Variants in WDPCP observed in about 807,000 individuals in gnomAD.
The protein encoded by WDPCP is WD repeat containing planar cell polarity effector.
A neutral mutation model predicts 93.1 loss-of-function variants in WDPCP; 71 were observed. The ratio of observed to expected loss-of-function variants is 0.76; its 90% CI spans 0.63 to 0.93. The LOEUF is 0.93. Ranked by LOEUF, WDPCP falls within the 40% of genes least tolerant of loss-of-function variation. The pLI, the probability that WDPCP is intolerant of heterozygous loss-of-function variation, is 0.00. For missense variants in WDPCP, 844 were observed against 887.4 expected (o/e 0.95, Z 0.62); for synonymous variants, 315 against 315.0 (o/e 1.00, Z 0.00).
intron 1 of WDPCP, among the ~76,000 whole-genome samples, chr2:63,529,832 A>T (rs1297905172): frequency 6.6e-6 from 1 of 151,826 alleles, no homozygotes; most frequent in Non-Finnish European, 1.5e-5. Flanking sequence ...GGTCCTCGAC[A>T]TTTTTTTTGG....
intron 2 of WDPCP, among the ~76,000 whole-genome samples, chr2:63,757,055 G>C (rs1172292517): frequency 6.6e-6 from 1 of 152,142 alleles, no homozygotes; most frequent in Non-Finnish European, 1.5e-5. Flanking sequence ...GCACCCTGAG[G>C]AAAAGCTTAG....
intron 1 of WDPCP, among the ~76,000 whole-genome samples, chr2:63,578,313 G>C (rs1269855637): frequency 1.3e-5 from 2 of 152,066 alleles, no homozygotes; most frequent in Non-Finnish European, 2.9e-5. Flanking sequence ...AACTCAAAAA[G>C]TAAACCACTT....
chr2:63,247,685 A>AC (rs1157848769), intron 14 of WDPCP, among the ~76,000 whole-genome samples: 2 of 151,580 alleles, frequency 1.3e-5, no homozygotes, highest in African/African-American at 4.8e-5. Flanking sequence ...AAAAAAAAAA[A>AC]AAAACACCAC....
chr2:63,718,617 G>A (rs763481633), intron 2 of WDPCP, among the ~76,000 whole-genome samples: 2 of 151,924 alleles, frequency 1.3e-5, no homozygotes, highest in Non-Finnish European at 2.9e-5. Context: ...TCCTTGTTGA[G>A]TTGTTTGAGT....
chr2:63,466,718 A>G (rs918273803), intron 6 of WDPCP, among the ~76,000 whole-genome samples: 2 of 152,254 alleles, frequency 1.3e-5, no homozygotes, highest in Non-Finnish European at 1.5e-5. Context: ...GTGAAAAACA[A>G]CAAGAGAGGA....
In WDPCP at chr2:63,249,816, G is replaced by C. The variant is rs1184803915; in HGVS notation, c.1915+9491C>G. ...TGAAATAGCAGATATTACCGAATCT[G>C]ATGGCTGTCAATTCGAACACCTTTC... On this transcript the variant is annotated intron_variant, in intron 14 of 17. Transcript: ENST00000272321. Among the ~76,000 whole-genome samples the C allele has an allele frequency of 2.0e-5, 3 of 152,190 alleles. No individual in the cohort carries two copies. In the East Asian group the frequency reaches 5.8e-4, roughly 29 times the overall value.
intron 12 of WDPCP, among the ~76,000 whole-genome samples, chr2:63,374,893 G>T (rs912100655): frequency 4.6e-5 from 7 of 151,924 alleles, no homozygotes; most frequent in Admixed American, 2.0e-4. Context: ...GGAAAATGCA[G>T]ACATCAATAC....
intron 9 of WDPCP, among the ~76,000 whole-genome samples, chr2:63,426,702 C>T (rs566302694): frequency 6.6e-6 from 1 of 152,316 alleles, no homozygotes; most frequent in South Asian, 2.1e-4. Context: ...GCATCAAAAT[C>T]TCACATATCA....
intron 6 of WDPCP, among the ~76,000 whole-genome samples, chr2:63,445,557 G>A (rs148111440): frequency 2.6e-5 from 4 of 152,182 alleles, no homozygotes; most frequent in Non-Finnish European, 5.9e-5. Flanking sequence ...TTTGACCACA[G>A]AAACATGGTC....
At chr2:63,175,885 T>C (rs546663097) in intron 14 of WDPCP, among the ~76,000 whole-genome samples, 1 of 152,320 alleles carries the variant, frequency 6.6e-6, no homozygotes, top group South Asian at 2.1e-4. Context: ...ATAATGCTGC[T>C]ATGAACATGG....
intron 13 of WDPCP, among the ~76,000 whole-genome samples, chr2:63,278,292 T>G (rs1683233183): frequency 1.3e-5 from 2 of 152,058 alleles, no homozygotes; most frequent in African/African-American, 2.4e-5. Context: ...TAGCACTAAA[T>G]GCCTACATCA....
At chr2:63,316,693 C>G (rs1355871889) in intron 12 of WDPCP, among the ~76,000 whole-genome samples, 1 of 151,650 alleles carries the variant, frequency 6.6e-6, no homozygotes, top group South Asian at 2.1e-4. Context: ...AGAAAAAAAA[C>G]TAAAAGCTTC....
At chr2:63,349,646 C>T (rs1689441529) in intron 12 of WDPCP, among the ~76,000 whole-genome samples, 1 of 151,896 alleles carries the variant, frequency 6.6e-6, no homozygotes, top group Non-Finnish European at 1.5e-5. Context: ...CTTTTTAGCC[C>T]CCATATAAAA....
chr2:63,593,664 C>G (rs760441871), upstream of WDPCP: 1 of 471,552 alleles, frequency 2.1e-6, no homozygotes, highest in Non-Finnish European at 4.4e-6. Flanking sequence ...TACATTTACC[C>G]AGCATTATCG....
At chr2:63,384,496 T>TACACAC (rs142552656) in intron 10 of WDPCP, among the ~76,000 whole-genome samples, 3 of 151,264 alleles carry the variant, frequency 2.0e-5, no homozygotes, top group African/African-American at 4.8e-5. Context: ...CCTTTACACA[T>TACACAC]ACACACACAC....
At chr2:63,586,291 A>G (rs1340015777) in intron 1 of WDPCP, among the ~76,000 whole-genome samples, 2 of 152,236 alleles carry the variant, frequency 1.3e-5, no homozygotes, top group African/African-American at 4.8e-5. Context: ...CATTTTCTAC[A>G]ATTTGAATTA....
At chr2:63,476,644 C>T (rs1264747990) in intron 6 of WDPCP, among the ~76,000 whole-genome samples, 1 of 152,094 alleles carries the variant, frequency 6.6e-6, no homozygotes, top group Non-Finnish European at 1.5e-5. Flanking sequence ...TCTTTAGTGA[C>T]TCCCACAGTT....
intron 6 of WDPCP, among the ~76,000 whole-genome samples, chr2:63,462,242 TC>T (rs1160448683): frequency 6.6e-6 from 1 of 152,132 alleles, no homozygotes. Context: ...CAGCAAGCTA[TC>T]ACAAGGACAG....
At chr2:63,649,914 C>T (rs1348415299) in intron 3 of WDPCP, among the ~76,000 whole-genome samples, 1 of 152,138 alleles carries the variant, frequency 6.6e-6, no homozygotes, top group African/African-American at 2.4e-5. Context: ...GCAACAGATA[C>T]AGTATTTGGC....
Sources: gnomAD v4.1 joint callset for allele counts (sites outside exome capture counted in the v4.1 genomes callset) on GRCh38, gnomAD v4.1.1 for gene constraint, MANE v1.5 for transcripts, NCBI Gene and HGNC (gene_info 2026-07-23, HGNC 2026-07-21) for gene names.